Variants in ZNF469 observed in about 807,000 individuals in gnomAD.
ZNF469 encodes the protein zinc finger protein 469.
A neutral mutation model predicts 1.0 loss-of-function variants in ZNF469; 1 was observed. The ratio of observed to expected loss-of-function variants is 1.00; its 90% CI spans 0.35 to 4.73. ZNF469 has a LOEUF of 4.73. ZNF469 is among the 30% of genes most tolerant of loss of function. ZNF469 has a pLI of 0.16. For synonymous variants in ZNF469, 2,703 were observed against 2,363.4 expected, an observed-to-expected ratio of 1.14 and a Z score of -4.17; for missense variants, 6,100 against 5,356.3, an observed-to-expected ratio of 1.14 and a Z score of -4.33.
At chr16:88,194,715 T>C in the ZNF469 span, 2 of 152,262 alleles carry the variant, frequency 1.3e-5, no homozygotes, top group Admixed American at 6.5e-5. Flanking sequence ...AACATGTCAA[T>C]TGACTTGCCT....
the ZNF469 span, among the ~76,000 whole-genome samples, chr16:88,327,875 G>A: frequency 3.3e-5 from 5 of 152,148 alleles, no homozygotes; most frequent in African/African-American, 7.2e-5. Context: ...CACACCCACC[G>A]GAAACACACC....
At chr16:88,116,572 C>T in the ZNF469 span, among the ~76,000 whole-genome samples, 2 of 152,210 alleles carry the variant, frequency 1.3e-5, no homozygotes, top group African/African-American at 4.8e-5. Context: ...TTGTAACAGG[C>T]AGAACGTGGA....
At position 88,437,669 on chromosome 16, in the gene ZNF469, C is replaced by G. The variant is rs281165933; in HGVS notation, c.10199C>G (p.Pro3400Arg). Residue 3400 changes from proline (P) to arginine (R), a missense_variant, in exon 3 of 3, where the codon CCG (proline) becomes CGG (arginine). Physicochemically the swap from Pro to Arg is moderately radical, Grantham distance 103. Coordinates refer to ENST00000565624, the MANE Select transcript of ZNF469 (RefSeq NM_001367624.2). ...LLERPELQHT[P>R]LYACELCATV... ...GAGCGGCCGGAGCTGCAGCACACGC[C>G]GCTGTATGCCTGCGAGCTCTGCGCC... 18 of 1,548,628 alleles carry G rather than the reference C, an allele frequency of 1.2e-5. No individual in the cohort carries two copies. The highest frequency in any genetic ancestry group is 2.0e-5 in the Admixed American group (1 of 50,946).
chr16:88,263,851 G>A, the ZNF469 span, among the ~76,000 whole-genome samples: 14 of 152,186 alleles, frequency 9.2e-5, no homozygotes, highest in East Asian at 2.1e-3. Context: ...AGACTGATGC[G>A]CCGGGCAGAG....
the ZNF469 span, among the ~76,000 whole-genome samples, chr16:88,212,193 T>C: frequency 1.3e-5 from 2 of 152,252 alleles, no homozygotes; most frequent in Admixed American, 1.3e-4. Flanking sequence ...TAATGTCTAA[T>C]AGTCTCACTG....
At chr16:88,358,715 T>TC in the ZNF469 span, among the ~76,000 whole-genome samples, 1 of 152,116 alleles carries the variant, frequency 6.6e-6, no homozygotes, top group South Asian at 2.1e-4. Context: ...TATTTTAATT[T>TC]TTTTTTTAAT....
At chr16:88,347,577 T>A in the ZNF469 span, among the ~76,000 whole-genome samples, 2 of 152,166 alleles carry the variant, frequency 1.3e-5, no homozygotes, top group African/African-American at 4.8e-5. Context: ...AAACTCCCGT[T>A]TTAACCACAC....
Position 88,434,131 on chromosome 16 carries a change from C to T in ZNF469, c.6661C>T (p.Pro2221Ser). The change falls in exon 3 of 3, where the codon CCC becomes TCC. Residue 2221 changes from proline (P) to serine (S), a missense_variant. Pro to Ser is a moderately conservative substitution (Grantham distance 74). Coordinates refer to ENST00000565624, the MANE Select transcript of ZNF469 (RefSeq NM_001367624.2). ...TTGCCTTCTCCAGGGGGAGGGCAGCCCCCTGGAAGACCCTTCCTCCTGGCC... is the reference window on the plus strand; with the variant it reads ...TTGCCTTCTCCAGGGGGAGGGCAGCTCCCTGGAAGACCCTTCCTCCTGGCC... ...AGCLLQGEGS[P>S]LEDPSSWPPG... 6.5e-7 allele frequency: 1 copy of T among 1,550,326 alleles called. No individual in the cohort carries two copies. Among genetic ancestry groups the T allele is most frequent in the Non-Finnish European group, 8.7e-7 (1 of 1,146,948 alleles).
rs1157674948 is a variant in ZNF469 at position 88,430,887 on chromosome 16, G to C, written c.3417G>C (p.Arg1139=). The C allele has an allele frequency of 3.3e-6, 5 of 1,537,598 alleles. No homozygotes were observed. Among genetic ancestry groups the C allele is most frequent in the Non-Finnish European group, 4.4e-6 (5 of 1,146,066 alleles). ...GPREDEPQKP[R]KAARQEAGGD... is the part of the protein sequence containing the mutation. ...GAGAGGATGAGCCACAGAAACCCCG[G>C]AAGGCGGCGAGGCAGGAAGCCGGCG... The change falls in exon 3 of 3, where the codon CGG becomes CGC. Residue 1139 remains arginine, a synonymous_variant. Transcript: ENST00000565624.
the ZNF469 span, among the ~76,000 whole-genome samples, chr16:88,130,907 G>A: frequency 6.6e-6 from 1 of 152,262 alleles, no homozygotes; most frequent in East Asian, 1.9e-4. Context: ...TGAAGTGGCC[G>A]CGGGGTGTCG....
the ZNF469 span, among the ~76,000 whole-genome samples, chr16:88,291,625 G>A: frequency 6.6e-6 from 1 of 151,972 alleles, no homozygotes; most frequent in Admixed American, 6.6e-5. Context: ...TCTCCCACTT[G>A]TGTATCCGTC....
Position 88,439,373 on chromosome 16 carries a change from T to C in ZNF469, c.*41T>C, listed in dbSNP as rs1906847295. The C allele has an allele frequency of 6.5e-7, 1 of 1,547,338 alleles. No homozygotes were observed. On this transcript the variant is annotated 3_prime_UTR_variant, in exon 3 of 3. Transcript: ENST00000565624. ...GCCTGGGACCGGAGCTGGGCGTTCCTGTCTCGGCCTGCCTCCTTGGCCAGC... is the reference window on the plus strand; with the variant it reads ...GCCTGGGACCGGAGCTGGGCGTTCCCGTCTCGGCCTGCCTCCTTGGCCAGC...
the ZNF469 span, among the ~76,000 whole-genome samples, chr16:88,103,689 C>T: frequency 4.6e-5 from 7 of 152,074 alleles, no homozygotes; most frequent in African/African-American, 7.2e-5. Context: ...AATAATCCTC[C>T]GTGGCACGAG....
the ZNF469 span, among the ~76,000 whole-genome samples, chr16:88,146,207 G>C: frequency 6.6e-6 from 1 of 152,226 alleles, no homozygotes; most frequent in Non-Finnish European, 1.5e-5. Flanking sequence ...CCGGGCCCAG[G>C]TGACTAGACT....
In ZNF469 at chr16:88,435,402, G is replaced by A; in HGVS notation, c.7932G>A (p.Arg2644=). The change falls in exon 3 of 3, where the codon CGG becomes CGA. Residue 2644 remains arginine, a synonymous_variant. Coordinates refer to ENST00000565624, the MANE Select transcript of ZNF469 (RefSeq NM_001367624.2). ...GAAAGCTGAGAGGGAGAAGGCTCCG[G>A]GAGGAGAGCATTCTTCCAGTCTCTG... is the stretch of plus-strand genomic sequence containing the variant. ...KRGKLRGRRL[R]EESILPVSAD... The A allele has an allele frequency of 6.5e-7, 1 of 1,550,364 alleles. No individual in the cohort carries two copies. The highest frequency in any genetic ancestry group is 8.7e-7 in the Non-Finnish European group (1 of 1,147,000).
At chr16:88,276,631 T>G in the ZNF469 span, 2 of 152,212 alleles carry the variant, frequency 1.3e-5, no homozygotes, top group African/African-American at 2.4e-5. Flanking sequence ...CGTCCTGCCT[T>G]TTTCCTTATG....
upstream of ZNF469, among the ~76,000 whole-genome samples, chr16:88,381,364 G>A (rs371266463): frequency 5.8e-3 from 744 of 128,782 alleles, 6 homozygotes; most frequent in African/African-American, 0.022. Context: ...ATACACACAT[G>A]CACTCACACA....
the ZNF469 span, among the ~76,000 whole-genome samples, chr16:88,321,440 G>T: frequency 2.6e-5 from 4 of 151,728 alleles, no homozygotes; most frequent in Non-Finnish European, 5.9e-5. Flanking sequence ...CTGATTGGAT[G>T]TGGCCCTTGG....
At chr16:88,303,688 G>T in the ZNF469 span, among the ~76,000 whole-genome samples, 1 of 152,196 alleles carries the variant, frequency 6.6e-6, no homozygotes, top group African/African-American at 2.4e-5. Context: ...TGTCCTCCCA[G>T]CCAAGCCATG....
Sources: allele counts gnomAD v4.1 joint callset (sites outside exome capture counted in the v4.1 genomes callset), GRCh38; gene constraint gnomAD v4.1.1; transcripts MANE v1.5; gene names NCBI Gene and HGNC (gene_info 2026-07-23, HGNC 2026-07-21).